Variants in MAN2A1 observed in about 807,000 individuals in gnomAD.
MAN2A1 encodes mannosidase alpha class 2A member 1, also known as alpha-mannosidase 2.
Under a neutral mutation model 142.6 loss-of-function variants are expected in MAN2A1, and 76 were observed. The observed-to-expected ratio is 0.53, with a 90% CI of 0.44 to 0.65. The LOEUF (loss-of-function observed/expected upper bound fraction) is 0.65, where lower values mean the gene tolerates loss of function less well. MAN2A1 is among the 30% of genes least tolerant of loss of function. The pLI, the probability that MAN2A1 is intolerant of heterozygous loss-of-function variation, is 0.00. For missense variants in MAN2A1, 1,311 were observed against 1,365.1 expected (o/e 0.96, Z 0.62); for synonymous variants, 559 against 473.2 (o/e 1.18, Z -2.35).
chr5:109,793,491 C>T lies in MAN2A1; in HGVS notation c.1943+3964C>T, dbSNP rs530318056. ...CAGACACCAGATATGCATAGAAGAA[C>T]ATGGTTCACATTCTATGTGAAAATG... On this transcript the variant is annotated intron_variant, in intron 12 of 21. Transcript: ENST00000261483. Among the ~76,000 whole-genome samples the T allele has an allele frequency of 1.1e-3, 168 of 152,120 alleles. 1 individual carries two copies. Among genetic ancestry groups the T allele is most frequent in the African/African-American group, 3.6e-3 (151 of 41,526 alleles).
At chr5:109,725,280 A>G (rs888660229) in intron 3 of MAN2A1, among the ~76,000 whole-genome samples, 2 of 152,202 alleles carry the variant, frequency 1.3e-5, no homozygotes, top group African/African-American at 4.8e-5. Flanking sequence ...CCCCACTGGA[A>G]TATGGTGGTG....
At chr5:109,753,107 T>C (rs548957163) in intron 4 of MAN2A1, among the ~76,000 whole-genome samples, 2 of 152,358 alleles carry the variant, frequency 1.3e-5, no homozygotes, top group African/African-American at 2.4e-5. Flanking sequence ...TCTGAACTTA[T>C]GTCTGAAATT....
At chr5:109,772,195 G>A (rs1408515923) in intron 7 of MAN2A1, among the ~76,000 whole-genome samples, 2 of 152,098 alleles carry the variant, frequency 1.3e-5, no homozygotes, top group Non-Finnish European at 2.9e-5. Context: ...AGGAGTTTGA[G>A]ACCAGCCTGG....
intron 7 of MAN2A1, among the ~76,000 whole-genome samples, chr5:109,772,354 G>C (rs1753170798): frequency 6.6e-6 from 1 of 152,214 alleles, no homozygotes; most frequent in Non-Finnish European, 1.5e-5. Context: ...GGGTGACAGA[G>C]TGAGACTTCG....
At chr5:109,794,043 C>T (rs1417559659) in intron 12 of MAN2A1, 1 of 152,090 alleles carries the variant, frequency 6.6e-6, no homozygotes, top group Non-Finnish European at 1.5e-5. Context: ...AATATCTCTA[C>T]CAGTTGTTTA....
At chr5:109,800,724 T>TGTGTTTTCAA (rs1426249089) in intron 12 of MAN2A1, among the ~76,000 whole-genome samples, 1 of 152,220 alleles carries the variant, frequency 6.6e-6, no homozygotes, top group Admixed American at 6.5e-5. Context: ...TTATGAAATT[T>TGTGTTTTCAA]GTGTTTTCAA....
chr5:109,757,181 A>C, intron 5 of MAN2A1, among the ~76,000 whole-genome samples: 1 of 152,082 alleles, frequency 6.6e-6, no homozygotes, highest in African/African-American at 2.4e-5. Context: ...GATTTTTCTT[A>C]ACAAATCACC....
At chr5:109,797,333 C>T (rs1173778927) in intron 12 of MAN2A1, among the ~76,000 whole-genome samples, 1 of 151,724 alleles carries the variant, frequency 6.6e-6, no homozygotes, top group East Asian at 1.9e-4. Flanking sequence ...CAAGGTGAAA[C>T]ACTGAAACAA....
chr5:109,830,995 A>G (rs1754892071), intron 16 of MAN2A1, among the ~76,000 whole-genome samples: 1 of 152,182 alleles, frequency 6.6e-6, no homozygotes, highest in Non-Finnish European at 1.5e-5. Context: ...GTTGCACTGA[A>G]CTCAGGTGAA....
intron 1 of MAN2A1, among the ~76,000 whole-genome samples, chr5:109,702,811 A>G (rs1751027614): frequency 6.6e-6 from 1 of 152,222 alleles, no homozygotes; most frequent in Admixed American, 6.5e-5. Context: ...ATGTCTTACT[A>G]CTGCATTTGT....
intron 16 of MAN2A1, among the ~76,000 whole-genome samples, chr5:109,832,446 C>T (rs1754937047): frequency 6.6e-6 from 1 of 152,048 alleles, no homozygotes; most frequent in Non-Finnish European, 1.5e-5. Context: ...ATCCATTTAA[C>T]CCTGAGTGGA....
At chr5:109,838,461 A>G (rs1242139139) in intron 16 of MAN2A1, among the ~76,000 whole-genome samples, 1 of 152,164 alleles carries the variant, frequency 6.6e-6, no homozygotes, top group Non-Finnish European at 1.5e-5. Flanking sequence ...CATGTGATGC[A>G]CAGGTAAAAC....
intron 4 of MAN2A1, among the ~76,000 whole-genome samples, chr5:109,736,490 C>T (rs1292023349): frequency 6.6e-6 from 1 of 152,042 alleles, no homozygotes; most frequent in African/African-American, 2.4e-5. Context: ...GCACTCCAGC[C>T]TGGGTGACTG....
At chr5:109,719,706 T>C (rs1040308061) in intron 3 of MAN2A1, among the ~76,000 whole-genome samples, 3 of 152,200 alleles carry the variant, frequency 2.0e-5, no homozygotes, top group Non-Finnish European at 4.4e-5. Context: ...AAAAATTTTC[T>C]ATATTTAGTT....
At chr5:109,708,027 G>A (rs771345286) in intron 1 of MAN2A1, among the ~76,000 whole-genome samples, 1 of 148,896 alleles carries the variant, frequency 6.7e-6, no homozygotes, top group Non-Finnish European at 1.5e-5. Context: ...AAATCATGGA[G>A]TGGATGAGAT....
intron 1 of MAN2A1, among the ~76,000 whole-genome samples, chr5:109,692,125 T>G (rs1170934707): frequency 2.6e-5 from 4 of 152,202 alleles, no homozygotes; most frequent in African/African-American, 9.7e-5. Context: ...CTGGGTTTTC[T>G]GGCAACCTTG....
intron 6 of MAN2A1, among the ~76,000 whole-genome samples, chr5:109,770,133 C>T (rs1753103683): frequency 6.6e-6 from 1 of 152,094 alleles, no homozygotes; most frequent in African/African-American, 2.4e-5. Context: ...CTCTGCTATG[C>T]TTAGATAGAA....
intron 7 of MAN2A1, among the ~76,000 whole-genome samples, chr5:109,771,503 G>C (rs1213063958): frequency 6.6e-6 from 1 of 152,080 alleles, no homozygotes; most frequent in Non-Finnish European, 1.5e-5. Flanking sequence ...TAAAGTCATG[G>C]AGCCCTTCTA....
chr5:109,822,106 G>A (rs563835493), intron 15 of MAN2A1, among the ~76,000 whole-genome samples: 4 of 150,274 alleles, frequency 2.7e-5, no homozygotes, highest in Non-Finnish European at 5.9e-5. Context: ...GTAGGCTACA[G>A]TAAGGACTCT....
Sources: gnomAD v4.1 joint callset for allele counts (sites outside exome capture counted in the v4.1 genomes callset) on GRCh38, gnomAD v4.1.1 for gene constraint, MANE v1.5 for transcripts, NCBI Gene and HGNC (gene_info 2026-07-23, HGNC 2026-07-21) for gene names.